Variants in STXBP5L observed in about 807,000 individuals in gnomAD.
STXBP5L encodes syntaxin binding protein 5L, also known as syntaxin-binding protein 5-like.
Under a neutral mutation model 144.5 loss-of-function variants are expected in STXBP5L, and 65 were observed. The ratio of observed to expected loss-of-function variants is 0.45; its 90% CI spans 0.37 to 0.55. The LOEUF is 0.55. Among genes scored for constraint, STXBP5L ranks in the 20% least tolerant of loss-of-function variants. STXBP5L has a pLI of 0.00. For missense variants in STXBP5L, 1,298 were observed against 1,405.5 expected (o/e 0.92, Z 1.22); for synonymous variants, 505 against 469.6 (o/e 1.08, Z -0.97).
At chr3:120,928,349 G>A (rs932588356) in intron 2 of STXBP5L, among the ~76,000 whole-genome samples, 1 of 151,956 alleles carries the variant, frequency 6.6e-6, no homozygotes, top group African/African-American at 2.4e-5. Flanking sequence ...TGCAACCTCC[G>A]TCTCTGGGGT....
chr3:121,201,118 A>G (rs1170240770), intron 9 of STXBP5L, among the ~76,000 whole-genome samples: 4 of 152,164 alleles, frequency 2.6e-5, no homozygotes, highest in Admixed American at 6.5e-5. Flanking sequence ...GCAGGAGTCC[A>G]AGTCTCTCTG....
intron 3 of STXBP5L, among the ~76,000 whole-genome samples, chr3:121,025,463 C>G (rs1161191360): frequency 6.6e-6 from 1 of 152,106 alleles, no homozygotes; most frequent in South Asian, 2.1e-4. Context: ...ATAATCAGAT[C>G]TGAGCCTGAG....
At chr3:121,013,046 C>A (rs1438826993) in intron 3 of STXBP5L, among the ~76,000 whole-genome samples, 1 of 151,604 alleles carries the variant, frequency 6.6e-6, no homozygotes, top group Non-Finnish European at 1.5e-5. Flanking sequence ...TTTATGGCTT[C>A]ATAGTATTGC....
chr3:120,986,705 A>G (rs1257936917), intron 3 of STXBP5L, among the ~76,000 whole-genome samples: 1 of 152,014 alleles, frequency 6.6e-6, no homozygotes, highest in Non-Finnish European at 1.5e-5. Context: ...GATATGGAGA[A>G]AGTCAAGAAA....
At chr3:121,186,756 T>C (rs1163709432) in intron 9 of STXBP5L, among the ~76,000 whole-genome samples, 3 of 152,028 alleles carry the variant, frequency 2.0e-5, no homozygotes, top group Admixed American at 1.3e-4. Flanking sequence ...GGGCAAAGGG[T>C]ATGAACAGAC....
At chr3:121,037,397 G>A (rs1299422656) in intron 3 of STXBP5L, among the ~76,000 whole-genome samples, 1 of 151,842 alleles carries the variant, frequency 6.6e-6, no homozygotes, top group Non-Finnish European at 1.5e-5. Context: ...ACAGGTATGT[G>A]CCACTGAACC....
intron 3 of STXBP5L, among the ~76,000 whole-genome samples, chr3:120,959,749 T>G (rs571723985): frequency 0.015 from 2,223 of 152,276 alleles, 56 homozygotes; most frequent in African/African-American, 0.051. Flanking sequence ...TATACAAAAA[T>G]TAATTCAAGA....
At chr3:121,077,986 C>T (rs542112635) in intron 5 of STXBP5L, among the ~76,000 whole-genome samples, 6 of 152,182 alleles carry the variant, frequency 3.9e-5, no homozygotes, top group African/African-American at 7.2e-5. Context: ...TACAGAGTGT[C>T]GATTGGTACA....
At chr3:121,246,852 T>G (rs2049870279) in intron 14 of STXBP5L, among the ~76,000 whole-genome samples, 2 of 152,180 alleles carry the variant, frequency 1.3e-5, no homozygotes, top group African/African-American at 4.8e-5. Flanking sequence ...TTATGTGGGT[T>G]CCACTTATAT....
At chr3:121,215,583 A>G (rs1247228121) in intron 10 of STXBP5L, among the ~76,000 whole-genome samples, 1 of 152,150 alleles carries the variant, frequency 6.6e-6, no homozygotes, top group Admixed American at 6.5e-5. Context: ...GTTTAGTCTG[A>G]TGGGCTTCCC....
chr3:121,241,372 CACAT>C (rs1322363627), intron 14 of STXBP5L, among the ~76,000 whole-genome samples: 9 of 72,456 alleles, frequency 1.2e-4, no homozygotes, highest in African/African-American at 2.5e-4. Context: ...ACAACACACA[CACAT>C]ACACACACAC....
chr3:121,314,852 G>A (rs77423031), intron 19 of STXBP5L, among the ~76,000 whole-genome samples: 2 of 152,150 alleles, frequency 1.3e-5, no homozygotes, highest in African/African-American at 4.8e-5. Flanking sequence ...CTCAAAAGAA[G>A]ACATTTACAC....
intron 5 of STXBP5L, among the ~76,000 whole-genome samples, chr3:121,083,980 A>G (rs1185863344): frequency 2.0e-5 from 3 of 151,918 alleles, no homozygotes; most frequent in Admixed American, 2.0e-4. Flanking sequence ...TTTTCTCCTA[A>G]AAAAATCTCC....
chr3:120,935,506 T>C (rs1710215975), intron 2 of STXBP5L, among the ~76,000 whole-genome samples: 1 of 152,076 alleles, frequency 6.6e-6, no homozygotes. Context: ...CCCATATCAT[T>C]TTCCTTCTTT....
rs138897187 is a variant in STXBP5L at position 121,109,948 on chromosome 3, T to C, written c.471-4977T>C. On this transcript the variant is annotated intron_variant, in intron 5 of 26. Coordinates refer to ENST00000471454, the MANE Select transcript of STXBP5L (RefSeq NM_001308330.2). ...TAGCTCTTCTTGTTGAATTGAACTT[T>C]TTACCATTATGTAATGCCCTTCTTT... Among the ~76,000 whole-genome samples the C allele has an allele frequency of 3.0e-3, 463 of 152,346 alleles. 3 individuals are homozygous for C. The highest frequency in any genetic ancestry group is 0.01 in the African/African-American group (432 of 41,566).
chr3:121,058,588 A>G (rs1948613033), intron 5 of STXBP5L, among the ~76,000 whole-genome samples: 1 of 152,200 alleles, frequency 6.6e-6, no homozygotes, highest in Admixed American at 6.5e-5. Flanking sequence ...TTACACTCCC[A>G]CCAACAGTGT....
intron 11 of STXBP5L, among the ~76,000 whole-genome samples, chr3:121,224,578 C>A (rs528865936): frequency 6.6e-6 from 1 of 151,980 alleles, no homozygotes; most frequent in Non-Finnish European, 1.5e-5. Context: ...TAATGAAAGA[C>A]CTTAATTAAG....
chr3:121,361,812 T>C (rs1322817939), intron 20 of STXBP5L, among the ~76,000 whole-genome samples: 7 of 152,130 alleles, frequency 4.6e-5, no homozygotes, highest in Non-Finnish European at 7.4e-5. Flanking sequence ...ATTTAATTCA[T>C]TTGGTGAAGT....
intron 3 of STXBP5L, among the ~76,000 whole-genome samples, chr3:120,983,839 C>T (rs1306101061): frequency 1.3e-5 from 2 of 152,172 alleles, no homozygotes; most frequent in Non-Finnish European, 2.9e-5. Flanking sequence ...CCAGTGTTCT[C>T]TCTTAGACAA....
Sources: gnomAD v4.1 joint callset for allele counts (sites outside exome capture counted in the v4.1 genomes callset) on GRCh38, gnomAD v4.1.1 for gene constraint, MANE v1.5 for transcripts, NCBI Gene and HGNC (gene_info 2026-07-23, HGNC 2026-07-21) for gene names.